Variants in PACRG observed in about 807,000 individuals in gnomAD.
The protein encoded by PACRG is parkin coregulated gene protein.
In PACRG, 29 loss-of-function variants were observed where a neutral mutation model predicts 29.7. The observed-to-expected ratio is 0.98, with a 90% CI of 0.73 to 1.33. PACRG has a LOEUF of 1.33. Ranked by LOEUF, PACRG falls within the 40% of genes most tolerant of loss-of-function variation. The pLI is 0.00. For missense variants in PACRG, 279 were observed against 316.2 expected (o/e 0.88, Z 0.89); for synonymous variants, 116 against 118.7 (o/e 0.98, Z 0.15).
intron 4 of PACRG, among the ~76,000 whole-genome samples, chr6:163,168,184 T>C (rs1778907491): frequency 6.6e-6 from 1 of 152,218 alleles, no homozygotes; most frequent in Admixed American, 6.5e-5. Context: ...TAAACATTTA[T>C]TAAAGCATTT....
At chr6:162,769,863 G>A (rs1053630724) in intron 1 of PACRG, among the ~76,000 whole-genome samples, 12 of 151,680 alleles carry the variant, frequency 7.9e-5, no homozygotes, top group Non-Finnish European at 1.6e-4. Flanking sequence ...GGAAGCTATA[G>A]ATAATGATAT....
At chr6:162,889,486 G>A (rs980092770) in intron 2 of PACRG, among the ~76,000 whole-genome samples, 4 of 152,180 alleles carry the variant, frequency 2.6e-5, no homozygotes, top group East Asian at 1.9e-4. Context: ...AGGGATATCC[G>A]TTCTACAATA....
At chr6:163,090,148 T>C (rs1255875194) in intron 4 of PACRG, 1 of 152,310 alleles carries the variant, frequency 6.6e-6, no homozygotes, top group East Asian at 1.9e-4. Flanking sequence ...AATGAAACTT[T>C]TACAACATGA....
In PACRG at chr6:163,250,223, G is replaced by A. The variant is rs531934882; in HGVS notation, c.614-64604G>A. 4.6e-5 allele frequency among the ~76,000 whole-genome samples: 7 copies of A among 152,318 alleles called. No individual in the cohort carries two copies. The East Asian group carries it at 5.8e-4, about 13-fold the overall frequency. On this transcript the variant is annotated intron_variant, in intron 4 of 4. Coordinates refer to ENST00000366888, the MANE Select transcript of PACRG (RefSeq NM_001080379.2). ...AGCAACAGACTGCCCTCTTAATGGCGCCACCAAAATGTGCTGTAAGATTGA... is the reference window on the plus strand; with the variant it reads ...AGCAACAGACTGCCCTCTTAATGGCACCACCAAAATGTGCTGTAAGATTGA...
intron 2 of PACRG, among the ~76,000 whole-genome samples, chr6:162,847,610 G>A (rs1160905246): frequency 2.0e-5 from 3 of 151,534 alleles, no homozygotes; most frequent in Non-Finnish European, 2.9e-5. Context: ...GGAGGTATAC[G>A]AATGGACGTG....
rs925663285 is a variant in PACRG at position 162,981,305 on chromosome 6, A to ATATATATATATTTTTTTTTT, written c.292-80844_292-80843insATATATATATTTTTTTTTTT. ...ATGTATAAAACATATATATATATAT[A>ATATATATATATTTTTTTTTT]TTTACAATGGCAAAAATATAGAACC... On this transcript the variant is annotated intron_variant, in intron 2 of 4. Transcript: ENST00000366888. 7.0e-3 allele frequency among the ~76,000 whole-genome samples: 1,048 copies of ATATATATATATTTTTTTTTT among 149,110 alleles called. 9 individuals carry two copies. Among genetic ancestry groups the ATATATATATATTTTTTTTTT allele is most frequent in the African/African-American group, 0.02 (817 of 40,328 alleles).
intron 4 of PACRG, among the ~76,000 whole-genome samples, chr6:163,267,496 G>C (rs142510519): frequency 6.6e-6 from 1 of 152,140 alleles, no homozygotes; most frequent in Non-Finnish European, 1.5e-5. Context: ...TCTACAAAAA[G>C]CTACATTCAA....
intron 1 of PACRG, among the ~76,000 whole-genome samples, chr6:162,770,792 A>G (rs1401804771): frequency 5.9e-5 from 9 of 152,200 alleles, no homozygotes; most frequent in Non-Finnish European, 1.5e-5. Context: ...CTGGACTAAT[A>G]AACAACTTGG....
chr6:162,737,626 T>G (rs1328659037), intron 1 of PACRG, among the ~76,000 whole-genome samples: 1 of 152,194 alleles, frequency 6.6e-6, no homozygotes, highest in Non-Finnish European at 1.5e-5. Flanking sequence ...CACAACTTGG[T>G]AATATGTTTT....
chr6:163,270,914 T>G (rs1233588135), intron 4 of PACRG, among the ~76,000 whole-genome samples: 1 of 152,134 alleles, frequency 6.6e-6, no homozygotes, highest in African/African-American at 2.4e-5. Context: ...GGGACAGAAC[T>G]AATAGGATAG....
At chr6:163,179,842 C>T (rs561139870) in intron 4 of PACRG, among the ~76,000 whole-genome samples, 1 of 152,178 alleles carries the variant, frequency 6.6e-6, no homozygotes, top group Non-Finnish European at 1.5e-5. Context: ...CTCATTCTCC[C>T]CCGTTCACTT....
chr6:163,196,944 TA>T (rs1780481779), intron 4 of PACRG, among the ~76,000 whole-genome samples: 2 of 149,072 alleles, frequency 1.3e-5, no homozygotes, highest in Non-Finnish European at 3.0e-5. Flanking sequence ...GATAGATAGA[TA>T]GATAGATAGA....
chr6:162,948,862 C>T (rs1408405980), intron 2 of PACRG, among the ~76,000 whole-genome samples: 1 of 151,892 alleles, frequency 6.6e-6, no homozygotes, highest in Non-Finnish European at 1.5e-5. Flanking sequence ...GTGAAAAAGA[C>T]CATTATCAAA....
intron 2 of PACRG, among the ~76,000 whole-genome samples, chr6:162,942,677 TC>T (rs1310419227): frequency 6.6e-6 from 1 of 152,208 alleles, no homozygotes; most frequent in East Asian, 1.9e-4. Context: ...TAATGATACC[TC>T]ATTCACCTGT....
intron 4 of PACRG, among the ~76,000 whole-genome samples, chr6:163,153,683 T>C (rs557873864): frequency 6.6e-6 from 1 of 152,306 alleles, no homozygotes; most frequent in Non-Finnish European, 1.5e-5. Flanking sequence ...CAATGCAAAG[T>C]AGTGTCTTGA....
intron 2 of PACRG, among the ~76,000 whole-genome samples, chr6:162,999,452 T>G (rs1804387018): frequency 6.6e-6 from 1 of 152,222 alleles, no homozygotes; most frequent in African/African-American, 2.4e-5. Flanking sequence ...TAGACAGATG[T>G]ATGCCAGAGC....
intron 4 of PACRG, among the ~76,000 whole-genome samples, chr6:163,257,955 C>T (rs56014066): frequency 0.014 from 2,171 of 151,980 alleles, 42 homozygotes; most frequent in African/African-American, 0.045. Context: ...TTATTATTTC[C>T]GCTGATTCCT....
chr6:162,968,649 A>C (rs994504444), intron 2 of PACRG, among the ~76,000 whole-genome samples: 1 of 152,216 alleles, frequency 6.6e-6, no homozygotes, highest in African/African-American at 2.4e-5. Context: ...ATGTAGGTGG[A>C]AAAAAATTAT....
chr6:163,095,232 C>G, intron 4 of PACRG: 2 of 982,130 alleles, frequency 2.0e-6, no homozygotes, highest in Non-Finnish European at 2.4e-6. Context: ...GAGACTGCTA[C>G]ATTTGAGTCT....
Sources: allele counts gnomAD v4.1 joint callset (sites outside exome capture counted in the v4.1 genomes callset), GRCh38; gene constraint gnomAD v4.1.1; transcripts MANE v1.5; gene names NCBI Gene and HGNC (gene_info 2026-07-23, HGNC 2026-07-21).